FOCAD: variants seen among roughly 807,000 people sequenced by gnomAD.
FOCAD encodes the protein KIAA1797.
In FOCAD, 198 loss-of-function variants were observed where a neutral mutation model predicts 225.6. The observed-to-expected ratio is 0.88, with a 90% CI of 0.78 to 0.99. The LOEUF (loss-of-function observed/expected upper bound fraction) is 0.99, where lower values mean the gene tolerates loss of function less well. Ranked by LOEUF, FOCAD falls within the 50% of genes least tolerant of loss-of-function variation. The probability of loss-of-function intolerance (pLI) is 0.00; values close to 1 mark genes in which losing one functional copy is unlikely to be tolerated. For missense variants in FOCAD, 2,713 were observed against 2,123.6 expected (o/e 1.28, Z -5.46); for synonymous variants, 897 against 755.0 (o/e 1.19, Z -3.08).
intron 15 of FOCAD, among the ~76,000 whole-genome samples, chr9:20,851,403 C>T (rs1017977633): frequency 2.0e-5 from 3 of 151,718 alleles, no homozygotes; most frequent in Admixed American, 6.6e-5. Context: ...AAGAGCAGTG[C>T]GGAAGGTTAA....
intron 22 of FOCAD, 50 bp downstream of exon 22, chr9:20,907,292 C>A: frequency 7.0e-7 from 1 of 1,432,402 alleles, no homozygotes; most frequent in Non-Finnish European, 9.8e-7. Context: ...CTCCTTATCT[C>A]ATGTTTTGCT....
intron 1 of FOCAD, among the ~76,000 whole-genome samples, chr9:20,688,174 T>A (rs1033152205): frequency 2.0e-5 from 3 of 152,156 alleles, no homozygotes; most frequent in African/African-American, 7.2e-5. Context: ...AGTAATAGAT[T>A]TTAAGTGGAA....
At chr9:20,930,916 C>G (rs1256565355) in intron 27 of FOCAD, among the ~76,000 whole-genome samples, 1 of 152,106 alleles carries the variant, frequency 6.6e-6, no homozygotes, top group Non-Finnish European at 1.5e-5. Flanking sequence ...GATTTTTTCC[C>G]TTTGCTACTA....
intron 35 of FOCAD, among the ~76,000 whole-genome samples, chr9:20,970,158 T>C (rs981886151): frequency 5.9e-5 from 9 of 152,132 alleles, no homozygotes; most frequent in Admixed American, 3.9e-4. Context: ...AAAATTTGGC[T>C]ACAGTACGTC....
chr9:20,723,058 G>T (rs1432988061), intron 4 of FOCAD, among the ~76,000 whole-genome samples: 1 of 152,110 alleles, frequency 6.6e-6, no homozygotes, highest in African/African-American at 2.4e-5. Context: ...CTGGTGTGAG[G>T]TATCATTCAC....
At chr9:20,779,707 G>A (rs1165344587) in intron 9 of FOCAD, among the ~76,000 whole-genome samples, 6 of 151,574 alleles carry the variant, frequency 4.0e-5, no homozygotes, top group South Asian at 2.1e-4. Flanking sequence ...CCGAGATCGC[G>A]CCATTGCACT....
intron 7 of FOCAD, among the ~76,000 whole-genome samples, chr9:20,769,469 A>G (rs1042323412): frequency 1.3e-5 from 2 of 152,210 alleles, no homozygotes; most frequent in African/African-American, 4.8e-5. Context: ...TTTCAAGAGC[A>G]CCCAGGTCCT....
At chr9:20,723,239 A>G (rs1024545749) in intron 4 of FOCAD, among the ~76,000 whole-genome samples, 18 of 152,226 alleles carry the variant, frequency 1.2e-4, no homozygotes, top group Admixed American at 7.2e-4. Context: ...CGTAATCCCA[A>G]TACTTCGGCA....
intron 15 of FOCAD, 76 bp from the exon 16 acceptor site, chr9:20,862,502 A>G (rs1487183450): frequency 2.0e-6 from 3 of 1,492,546 alleles, no homozygotes; most frequent in African/African-American, 1.4e-5. Flanking sequence ...TTATAATAAA[A>G]TATAGTACTC....
At chr9:20,682,535 A>G, upstream of FOCAD, among the ~76,000 whole-genome samples, 1 of 152,346 alleles carries the variant, frequency 6.6e-6, no homozygotes. Context: ...AAATTTATAT[A>G]CTTAGAACAG....
intron 2 of FOCAD, among the ~76,000 whole-genome samples, chr9:20,676,268 T>C (rs1322211098): frequency 1.3e-5 from 2 of 152,218 alleles, no homozygotes; most frequent in African/African-American, 4.8e-5. Flanking sequence ...CTGCAAACTT[T>C]TGTCAAAAAT....
At chr9:20,927,948 T>TGA (rs1835112000) in intron 26 of FOCAD, 3 of 145,962 alleles carry the variant, frequency 2.1e-5, no homozygotes, top group African/African-American at 7.6e-5. Flanking sequence ...ATAGTTGAGG[T>TGA]AAAAAAAAAA....
At chr9:20,723,612 TTAG>T (rs1563916450) in intron 4 of FOCAD, among the ~76,000 whole-genome samples, 1 of 152,230 alleles carries the variant, frequency 6.6e-6, no homozygotes, top group East Asian at 1.9e-4. Flanking sequence ...AGACAAACTG[TTAG>T]TAGGTCTTAT....
chr9:20,864,297 T>C (rs1194033670), intron 16 of FOCAD, among the ~76,000 whole-genome samples: 1 of 152,050 alleles, frequency 6.6e-6, no homozygotes, highest in Non-Finnish European at 1.5e-5. Context: ...TAAAATGTAG[T>C]CCAACCTGTT....
At chr9:20,781,702 T>A in intron 9 of FOCAD, 25 bp from the exon 10 acceptor site, 1 of 1,604,044 alleles carries the variant, frequency 6.2e-7, no homozygotes, top group South Asian at 1.1e-5. Flanking sequence ...TTTTTAAAAA[T>A]GTGCATTATT....
At chr9:20,660,037 T>G (rs1348462110) in intron 2 of FOCAD, among the ~76,000 whole-genome samples, 1 of 152,204 alleles carries the variant, frequency 6.6e-6, no homozygotes, top group Admixed American at 6.5e-5. Flanking sequence ...ATAATTCAGT[T>G]TTGTTTTCAA....
Position 20,988,380 on chromosome 9 carries a change from G to C in FOCAD, c.4955G>C (p.Arg1652Thr). 1 of 1,612,310 alleles carries C rather than the reference G, an allele frequency of 6.2e-7. No homozygotes were observed. Among genetic ancestry groups the C allele is most frequent in the Non-Finnish European group, 8.5e-7 (1 of 1,179,132 alleles). Residue 1652 changes from arginine to threonine, a missense_variant, in exon 41 of 44, where the codon AGA becomes ACA. Arg to Thr is a moderately conservative substitution (Grantham distance 71). Transcript: ENST00000338382. Reference protein sequence around the residue: ...EWLLELMGYIRNVAYQSTSFH... With the variant: ...EWLLELMGYITNVAYQSTSFH... Reference sequence around the variant, plus strand: ...CTCTTGGAACTGATGGGTTATATTAGAAATGTTGCTTACCAGTCAACATCC... The same window carrying C: ...CTCTTGGAACTGATGGGTTATATTACAAATGTTGCTTACCAGTCAACATCC...
intron 15 of FOCAD, among the ~76,000 whole-genome samples, chr9:20,850,572 C>G (rs1380978490): frequency 6.6e-6 from 1 of 151,710 alleles, no homozygotes; most frequent in Non-Finnish European, 1.5e-5. Context: ...AGTCTTTATA[C>G]TTCTTAAATG....
At chr9:20,986,266 A>ATTTTTTTTTTTGTTTTTTTTTTTTTTTT in intron 39 of FOCAD, 22 bp from the exon 40 acceptor site, 1 of 705,686 alleles carries the variant, frequency 1.4e-6, no homozygotes, top group Non-Finnish European at 1.8e-6. Context: ...TAACTAAACA[A>ATTTTTTTTTTTGTTTTTTTTTTTTTTTT]TTTTTTTTTT....
Sources: allele counts gnomAD v4.1 joint callset (sites outside exome capture counted in the v4.1 genomes callset), GRCh38; gene constraint gnomAD v4.1.1; transcripts MANE v1.5; gene names NCBI Gene and HGNC (gene_info 2026-07-23, HGNC 2026-07-21).